FAXDC2: variants seen among roughly 807,000 people sequenced by gnomAD.
FAXDC2 encodes the protein fatty acid hydroxylase domain containing 2.
A neutral mutation model predicts 40.9 loss-of-function variants in FAXDC2; 41 were observed. The ratio of observed to expected loss-of-function variants is 1.00; its 90% CI spans 0.78 to 1.30. The LOEUF (loss-of-function observed/expected upper bound fraction) is 1.30. FAXDC2 is among the 50% of genes most tolerant of loss of function. The pLI, the probability that FAXDC2 is intolerant of heterozygous loss-of-function variation, is 0.00. For synonymous variants in FAXDC2, 157 were observed against 149.3 expected (o/e 1.05, Z -0.38); for missense variants, 390 against 408.8 (o/e 0.95, Z 0.40).
intron 1 of FAXDC2, among the ~76,000 whole-genome samples, chr5:154,839,095 G>A (rs1760420933): frequency 6.6e-6 from 1 of 152,050 alleles, no homozygotes; most frequent in Non-Finnish European, 1.5e-5. Flanking sequence ...GGAGGCCAAG[G>A]TGGGTGGATC....
At chr5:154,843,296 C>T (rs1760524666) in intron 1 of FAXDC2, among the ~76,000 whole-genome samples, 1 of 152,214 alleles carries the variant, frequency 6.6e-6, no homozygotes, top group Admixed American at 6.5e-5. Context: ...CTTATCAACT[C>T]CATTATCTTT....
At chr5:154,833,108 C>T (rs549663854) in intron 4 of FAXDC2, among the ~76,000 whole-genome samples, 1 of 151,968 alleles carries the variant, frequency 6.6e-6, no homozygotes, top group African/African-American at 2.4e-5. Flanking sequence ...GCTATCTCAG[C>T]TCACTGCAAC....
At chr5:154,820,592 C>T in intron 8 of FAXDC2, 120 bp from the exon 9 acceptor site, 1 of 739,264 alleles carries the variant, frequency 1.4e-6, no homozygotes, top group East Asian at 3.0e-5. Flanking sequence ...TCACCACCAT[C>T]CTGACCATCT....
chr5:154,834,688 G>T lies in FAXDC2; in HGVS notation c.181C>A (p.Gln61Lys). The T allele has an allele frequency of 6.2e-7, 1 of 1,613,328 alleles. No homozygotes were observed. Among genetic ancestry groups the T allele is most frequent in the Non-Finnish European group, 8.5e-7 (1 of 1,179,844 alleles). Residue 61 changes from glutamine to lysine, a missense_variant, in exon 4 of 9, where the codon CAA becomes AAA. Gln to Lys is a moderately conservative substitution (Grantham distance 53). Transcript: ENST00000326080. ...RFWGASGYFWQAQWERLLTTF... is the reference protein window; with the variant it reads ...RFWGASGYFWKAQWERLLTTF... ...GTCAGCAGCCTCTCCCACTGGGCTT[G>T]CCAAAAGTAGCCAGAAGCACCCCAA...
At chr5:154,838,525 T>A (rs1366312791) in intron 1 of FAXDC2, 6 of 273,266 alleles carry the variant, frequency 2.2e-5, no homozygotes, top group African/African-American at 1.4e-4. Context: ...TCCCTTTTAT[T>A]AGAGAGCTGT....
chr5:154,839,325 CAAAA>C (rs746822715), intron 1 of FAXDC2, among the ~76,000 whole-genome samples: 8 of 92,764 alleles, frequency 8.6e-5, no homozygotes, highest in Admixed American at 1.2e-4. Flanking sequence ...GACTCCATCT[CAAAA>C]AAAAAAAAAA....
Position 154,833,828 on chromosome 5 carries a change from C to T in FAXDC2, c.244+797G>A, listed in dbSNP as rs1039842710. On this transcript the variant is annotated intron_variant, in intron 4 of 8. Transcript: ENST00000326080. ...GATTACAGGAGCCTGCCACCATGCC[C>T]AGCTAATTTTTTTGTATTTTTAGTA... Among the ~76,000 whole-genome samples, 7 of 151,686 alleles carry T rather than the reference C, an allele frequency of 4.6e-5. No homozygotes were observed. In the East Asian group the frequency reaches 1.2e-3, roughly 25 times the overall value.
intron 1 of FAXDC2, among the ~76,000 whole-genome samples, chr5:154,840,381 C>G (rs951161985): frequency 1.3e-5 from 2 of 152,052 alleles, no homozygotes; most frequent in East Asian, 1.9e-4. Context: ...ACCCATGAAC[C>G]CTTTTTTTTA....
At chr5:154,843,441 T>C (rs1006185154) in intron 1 of FAXDC2, among the ~76,000 whole-genome samples, 6 of 152,206 alleles carry the variant, frequency 3.9e-5, no homozygotes, top group African/African-American at 9.7e-5. Context: ...TGAGAAACTC[T>C]CAGTCTGGAT....
intron 1 of FAXDC2, among the ~76,000 whole-genome samples, chr5:154,847,387 G>A (rs1017486600): frequency 3.9e-5 from 6 of 152,084 alleles, no homozygotes; most frequent in African/African-American, 1.4e-4. Context: ...TAAAGGACAT[G>A]GGAATAAGGT....
At chr5:154,821,556 G>A (rs911029085) in intron 7 of FAXDC2, 130 bp from the exon 8 acceptor site, 8 of 654,332 alleles carry the variant, frequency 1.2e-5, no homozygotes, top group African/African-American at 5.8e-5. Flanking sequence ...TGAGAGTTTC[G>A]GGACTTTGAT....
At chr5:154,823,685 T>C (rs2113123779) in intron 5 of FAXDC2, 93 bp from the exon 6 acceptor site, 1 of 1,042,126 alleles carries the variant, frequency 9.6e-7, no homozygotes, top group East Asian at 2.4e-5. Flanking sequence ...TCTGGTTGGA[T>C]TCTGGGAGAG....
At chr5:154,828,087 T>G (rs1760089915) in intron 5 of FAXDC2, among the ~76,000 whole-genome samples, 1 of 151,740 alleles carries the variant, frequency 6.6e-6, no homozygotes, top group East Asian at 1.9e-4. Flanking sequence ...TGGGCTCAAG[T>G]GATCCTCCTG....
chr5:154,844,996 G>C (rs1056769843), intron 1 of FAXDC2, among the ~76,000 whole-genome samples: 1 of 152,172 alleles, frequency 6.6e-6, no homozygotes, highest in Non-Finnish European at 1.5e-5. Flanking sequence ...AAGGCTTCTC[G>C]GCTGTAAGAG....
chr5:154,823,395 ATAG>A lies in FAXDC2; in HGVS notation c.561_563del (p.Tyr188del). ...AGGCAGGGCCTGCTCACCGGTGTGA[ATAG>A]TAGAACAAGACTTCCTCGATCAGCG... is the stretch of plus-strand genomic sequence containing the variant. On this transcript the variant is annotated inframe_deletion, in exon 6 of 9. Coordinates refer to ENST00000326080, the MANE Select transcript of FAXDC2 (RefSeq NM_032385.5). 1 of 1,613,448 alleles carries A rather than the reference ATAG, an allele frequency of 6.2e-7. No homozygotes were observed. Among genetic ancestry groups the A allele is most frequent in the African/African-American group, 1.3e-5 (1 of 75,052 alleles).
rs746545650 is a variant in FAXDC2 at position 154,822,563 on chromosome 5, G to A, written c.587C>T (p.Pro196Leu). 6.2e-7 allele frequency: 1 copy of A among 1,613,722 alleles called. No individual in the cohort carries two copies. The highest frequency in any genetic ancestry group is 1.1e-5 in the South Asian group (1 of 91,060). Reference protein sequence around the residue: ...FYYSHRLLHHPTFYKKIHKKH... With the variant: ...FYYSHRLLHHLTFYKKIHKKH... ...CTTGTGGATTTTCTTGTAGAATGTT[G>A]GGTGGTGAAGGAGCCTGGGGAAATA... The change falls in exon 7 of 9, where the codon CCA becomes CTA. Residue 196 changes from proline to leucine, a missense_variant. Transcript: ENST00000326080.
At chr5:154,847,262 G>A (rs1760620405) in intron 1 of FAXDC2, among the ~76,000 whole-genome samples, 1 of 151,790 alleles carries the variant, frequency 6.6e-6, no homozygotes, top group Admixed American at 6.6e-5. Context: ...CTGCCTATGT[G>A]GTTTTGTTGA....
At position 154,818,785 on chromosome 5, in the gene FAXDC2, T is replaced by C. The variant is rs963419157; in HGVS notation, c.*1531A>G. ...TCTCCTACCCTTCTCTTTAAGCATA[T>C]TGAAGATGGACTTTTTTCCAAATGT... On this transcript the variant is annotated 3_prime_UTR_variant, in exon 9 of 9. Coordinates refer to ENST00000326080, the MANE Select transcript of FAXDC2 (RefSeq NM_032385.5). 2.0e-5 allele frequency: 3 copies of C among 152,364 alleles called. No homozygotes were observed. The highest frequency in any genetic ancestry group is 1.9e-4 in the East Asian group (1 of 5,194). The allele number at this position is 152,364 out of a possible 1,614,324, so 9.4% of individuals were successfully genotyped here.
intron 4 of FAXDC2, among the ~76,000 whole-genome samples, chr5:154,833,731 T>C (rs766408474): frequency 9.2e-5 from 14 of 151,558 alleles, no homozygotes; most frequent in Non-Finnish European, 2.1e-4. Flanking sequence ...TGCAGTGTCA[T>C]GATCTTGGCT....
Sources: gnomAD v4.1 joint callset for allele counts (sites outside exome capture counted in the v4.1 genomes callset) on GRCh38, gnomAD v4.1.1 for gene constraint, MANE v1.5 for transcripts, NCBI Gene and HGNC (gene_info 2026-07-23, HGNC 2026-07-21) for gene names.